The following DAD1 variants were observed in gnomAD, a reference collection of about 807,000 sequenced individuals.
DAD1 encodes dolichyl-diphosphooligosaccharide--protein glycosyltransferase subunit DAD1.
A neutral mutation model predicts 9.0 loss-of-function variants in DAD1; 4 were observed. That is an observed-to-expected ratio of 0.44 (90% CI 0.22 to 1.01). DAD1 has a LOEUF of 1.01. Ranked by LOEUF, DAD1 falls within the 50% of genes least tolerant of loss-of-function variation. The probability of loss-of-function intolerance (pLI) is 0.24; values close to 1 mark genes in which losing one functional copy is unlikely to be tolerated. For synonymous variants in DAD1, 60 were observed against 62.5 expected (o/e 0.96, Z 0.19); for missense variants, 119 against 137.3 (o/e 0.87, Z 0.67).
chr14:22,585,328 A>G (rs751856278), intron 1 of DAD1, among the ~76,000 whole-genome samples: 54 of 152,262 alleles, frequency 3.5e-4, no homozygotes, highest in Non-Finnish European at 7.6e-4. Context: ...GGACAGTCTT[A>G]ATGTTTTCTA....
intron 1 of DAD1, among the ~76,000 whole-genome samples, chr14:22,583,870 T>C (rs2037134739): frequency 6.6e-6 from 1 of 152,120 alleles, no homozygotes; most frequent in African/African-American, 2.4e-5. Flanking sequence ...GAAGGAATTC[T>C]TATCTACTTC....
chr14:22,589,196 T>C lies in DAD1; in HGVS notation c.-39A>G, dbSNP rs747865366. 6 of 1,605,796 alleles carry C rather than the reference T, an allele frequency of 3.7e-6. No homozygotes were observed. The highest frequency in any genetic ancestry group is 1.7e-5 in the Admixed American group (1 of 59,892). On this transcript the variant is annotated 5_prime_UTR_variant, in exon 1 of 3. Coordinates refer to ENST00000250498, the MANE Select transcript of DAD1 (RefSeq NM_001344.4). ...GTACTCCGGTCCGCGCCCCAAACTC[T>C]TGGAGGACCCGTCGACCACACCGGA...
chr14:22,589,112 ACTC>A lies in DAD1; in HGVS notation c.43_45del (p.Glu15del). The A allele has an allele frequency of 1.2e-6, 2 of 1,614,134 alleles. No individual in the cohort carries two copies. The highest frequency in any genetic ancestry group is 1.7e-6 in the Non-Finnish European group (2 of 1,180,024). On this transcript the variant is annotated inframe_deletion, in exon 1 of 3. Transcript: ENST00000250498. The stretch of plus-strand genomic sequence containing the variant: ...AGACGCTGCGGAGTGGAGCTCAAGT[ACTC>A]TTCTAAGAACCGCGAAATGACAGAC...
rs549783665 is a variant in DAD1, at chr14:22,579,602, T to C, written c.212-4369A>G. Among the ~76,000 whole-genome samples the C allele has an allele frequency of 9.8e-4, 149 of 152,288 alleles. 3 individuals are homozygous for C. In the South Asian group the frequency reaches 0.03, roughly 31 times the overall value. ...TTGGGAGAGCAACTAGCAATATCCA[T>C]TAATATTTAAAATGATTTTACCTTT... On this transcript the variant is annotated intron_variant, in intron 1 of 2. Transcript: ENST00000250498.
chr14:22,583,622 T>TA (rs1299078724), intron 1 of DAD1, among the ~76,000 whole-genome samples: 1 of 152,032 alleles, frequency 6.6e-6, no homozygotes, highest in African/African-American at 2.4e-5. Context: ...GGATTTTTTT[T>TA]AAATAGACAA....
intron 2 of DAD1, among the ~76,000 whole-genome samples, chr14:22,570,251 T>C (rs1419526444): frequency 6.6e-6 from 1 of 151,962 alleles, no homozygotes; most frequent in Non-Finnish European, 1.5e-5. Flanking sequence ...GCTCTCAAAC[T>C]AAGGAGGTGA....
At chr14:22,573,044 C>T (rs1052774367) in intron 2 of DAD1, among the ~76,000 whole-genome samples, 1 of 152,198 alleles carries the variant, frequency 6.6e-6, no homozygotes, top group African/African-American at 2.4e-5. Flanking sequence ...GGTACAGCTG[C>T]TCTCTTCTCT....
chr14:22,589,224 T>C lies in DAD1; in HGVS notation c.-67A>G. 1 of 1,552,552 alleles carries C rather than the reference T, an allele frequency of 6.4e-7. No individual in the cohort carries two copies. The highest frequency in any genetic ancestry group is 8.8e-7 in the Non-Finnish European group (1 of 1,130,140). On this transcript the variant is annotated 5_prime_UTR_variant, in exon 1 of 3. Transcript: ENST00000250498. ...GAGGACCCGTCGACCACACCGGATG[T>C]GCTGTTTGCGCATGCGCACCCTCGT...
chr14:22,581,877 C>T (rs545081662), intron 1 of DAD1, among the ~76,000 whole-genome samples: 2 of 151,518 alleles, frequency 1.3e-5, no homozygotes, highest in South Asian at 2.1e-4. Context: ...GTTATAAGAG[C>T]GGTGGAACAG....
chr14:22,571,025 T>TA (rs34659715), intron 2 of DAD1, among the ~76,000 whole-genome samples: 130 of 149,236 alleles, frequency 8.7e-4, no homozygotes, highest in East Asian at 1.6e-3. Flanking sequence ...TTTTTTTTTT[T>TA]AAAAAAGAGT....
At chr14:22,567,915 AT>A in intron 2 of DAD1, among the ~76,000 whole-genome samples, 1 of 152,258 alleles carries the variant, frequency 6.6e-6, no homozygotes, top group African/African-American at 2.4e-5. Flanking sequence ...TCTCTGCCAA[AT>A]TTTTCCCATT....
At chr14:22,568,614 C>G (rs2037016879) in intron 2 of DAD1, among the ~76,000 whole-genome samples, 1 of 151,872 alleles carries the variant, frequency 6.6e-6, no homozygotes, top group African/African-American at 2.4e-5. Flanking sequence ...ACAACACAGA[C>G]AGAGAAACTG....
At chr14:22,566,425 C>T (rs1478532575) in intron 2 of DAD1, among the ~76,000 whole-genome samples, 2 of 152,158 alleles carry the variant, frequency 1.3e-5, no homozygotes, top group African/African-American at 4.8e-5. Context: ...ACCTCCGCCT[C>T]CCGGGTTCAG....
intron 1 of DAD1, among the ~76,000 whole-genome samples, 182 bp downstream of exon 1, chr14:22,588,765 C>T (rs1164960890): frequency 6.6e-6 from 1 of 152,134 alleles, no homozygotes; most frequent in Non-Finnish European, 1.5e-5. Context: ...CCTACGGAGC[C>T]GTTTGGTATT....
rs536394286 is a variant in DAD1 at position 22,587,502 on chromosome 14, C to T, written c.211+1445G>A. On this transcript the variant is annotated intron_variant, in intron 1 of 2. Coordinates refer to ENST00000250498, the MANE Select transcript of DAD1 (RefSeq NM_001344.4). ...GTATCTGGTCGGATGATGGTTAACA[C>T]ATCCTGAAGGCAAGGACGCCACCAC... 2.6e-5 allele frequency among the ~76,000 whole-genome samples: 4 copies of T among 152,276 alleles called. 1 individual carries two copies. Among genetic ancestry groups the T allele is most frequent in the African/African-American group, 9.6e-5 (4 of 41,540 alleles).
At chr14:22,579,595 A>G (rs1015036591) in intron 1 of DAD1, among the ~76,000 whole-genome samples, 1 of 152,222 alleles carries the variant, frequency 6.6e-6, no homozygotes, top group Non-Finnish European at 1.5e-5. Flanking sequence ...GCAACTAGCA[A>G]TATCCATTAA....
chr14:22,583,614 AT>A (rs921402356), intron 1 of DAD1, among the ~76,000 whole-genome samples: 191 of 152,190 alleles, frequency 1.3e-3, no homozygotes, highest in Admixed American at 2.2e-3. Flanking sequence ...GGTCAAACGG[AT>A]TTTTTTTAAA....
chr14:22,565,824 C>T (rs1316734847), intron 2 of DAD1, among the ~76,000 whole-genome samples: 1 of 152,186 alleles, frequency 6.6e-6, no homozygotes, highest in African/African-American at 2.4e-5. Context: ...CTCCCACCTA[C>T]TGGACTCCAG....
At chr14:22,582,611 G>A (rs2032374371) in intron 1 of DAD1, among the ~76,000 whole-genome samples, 1 of 152,204 alleles carries the variant, frequency 6.6e-6, no homozygotes, top group Admixed American at 6.5e-5. Context: ...CAGAAATAAA[G>A]ACATACAGGC....
Sources: allele counts gnomAD v4.1 joint callset (sites outside exome capture counted in the v4.1 genomes callset), GRCh38; gene constraint gnomAD v4.1.1; transcripts MANE v1.5; gene names NCBI Gene and HGNC (gene_info 2026-07-23, HGNC 2026-07-21).